The following QTGAL variants were observed in gnomAD, a reference collection of about 807,000 sequenced individuals.
QTGAL encodes the protein queuosine-tRNA galactosyltransferase.
At chr17:82,972,345 C>T in the QTGAL span, among the ~76,000 whole-genome samples, 2 of 139,474 alleles carry the variant, frequency 1.4e-5, no homozygotes, top group Admixed American at 1.4e-4. Flanking sequence ...GTACTGACCA[C>T]ACCACACCAC....
At chr17:83,013,968 A>G in the QTGAL span, among the ~76,000 whole-genome samples, 8 of 152,008 alleles carry the variant, frequency 5.3e-5, no homozygotes, top group Non-Finnish European at 1.2e-4. Flanking sequence ...TGGGGGATGG[A>G]GGAGCCCACG....
At chr17:82,985,607 C>T in the QTGAL span, among the ~76,000 whole-genome samples, 4 of 152,180 alleles carry the variant, frequency 2.6e-5, no homozygotes, top group Non-Finnish European at 5.9e-5. Flanking sequence ...ACTCCTGCTA[C>T]CCAAGAATCA....
At chr17:82,977,203 C>T in the QTGAL span, among the ~76,000 whole-genome samples, 16 of 152,228 alleles carry the variant, frequency 1.1e-4, no homozygotes, top group South Asian at 4.1e-4. Context: ...AACGGAGGCC[C>T]GAAAGCAAGA....
the QTGAL span, chr17:82,956,604 G>C: frequency 7.3e-7 from 1 of 1,366,796 alleles, no homozygotes; most frequent in South Asian, 1.4e-5. The surrounding 1 kb of genome is among the most constrained non-coding windows in gnomAD (Gnocchi z 5.7). Flanking sequence ...CTCATCCCAG[G>C]CCACACAGTC....
the QTGAL span, chr17:82,949,897 G>T: frequency 2.0e-5 from 3 of 152,228 alleles, no homozygotes; most frequent in Admixed American, 2.0e-4. Context: ...CAACACCAGC[G>T]TGGGGATTTG....
the QTGAL span, chr17:82,957,566 C>A: frequency 6.0e-6 from 9 of 1,507,082 alleles, no homozygotes; most frequent in Non-Finnish European, 8.0e-6. Flanking sequence ...CATACAGGGA[C>A]ATGATGTGTG....
At chr17:83,036,313 G>A in the QTGAL span, among the ~76,000 whole-genome samples, 3 of 152,236 alleles carry the variant, frequency 2.0e-5, no homozygotes, top group South Asian at 2.1e-4. Flanking sequence ...GAGGGCAGCC[G>A]AAATTCTTCT....
the QTGAL span, among the ~76,000 whole-genome samples, chr17:82,974,461 G>A: frequency 6.6e-3 from 1,003 of 152,320 alleles, 2 homozygotes; most frequent in Non-Finnish European, 0.01. Flanking sequence ...AGATTCAGGC[G>A]GGGCGGAGTC....
chr17:82,954,783 T>A, the QTGAL span, among the ~76,000 whole-genome samples: 2 of 152,204 alleles, frequency 1.3e-5, no homozygotes, highest in East Asian at 3.9e-4. Context: ...CCAAAACAGA[T>A]ACATAGATCA....
At chr17:82,964,065 C>A in the QTGAL span, among the ~76,000 whole-genome samples, 3 of 149,896 alleles carry the variant, frequency 2.0e-5, no homozygotes, top group African/African-American at 7.4e-5. Context: ...AGTTCGAGAC[C>A]AGCCTGGGCA....
the QTGAL span, among the ~76,000 whole-genome samples, chr17:83,035,524 T>C: frequency 6.6e-6 from 1 of 151,502 alleles, no homozygotes; most frequent in African/African-American, 2.4e-5. Flanking sequence ...ACCAAAAATG[T>C]GGGTCAGCTT....
At chr17:82,962,211 T>C in the QTGAL span, among the ~76,000 whole-genome samples, 3 of 152,084 alleles carry the variant, frequency 2.0e-5, no homozygotes, top group Non-Finnish European at 4.4e-5. Flanking sequence ...CGCTGGCCTG[T>C]TTGCTCCCAG....
At chr17:82,945,342 T>G in the QTGAL span, 1 of 152,246 alleles carries the variant, frequency 6.6e-6, no homozygotes, top group Non-Finnish European at 1.5e-5. Flanking sequence ...ATGATGCAGA[T>G]ATTCCATACT....
the QTGAL span, chr17:83,006,462 A>G: frequency 1.0e-6 from 1 of 984,740 alleles, no homozygotes; most frequent in Non-Finnish European, 1.2e-6. This position sits in a 1 kb window ranked among gnomAD's most constrained non-coding sequence, Gnocchi z 5.8. Context: ...TGTGCCCTTC[A>G]CCACTTCCTC....
chr17:83,027,148 G>A, the QTGAL span, among the ~76,000 whole-genome samples: 9 of 72,336 alleles, frequency 1.2e-4, no homozygotes, highest in East Asian at 1.6e-3. Flanking sequence ...ACAGACACAC[G>A]GAGGGGGGCA....
chr17:82,991,346 A>G, the QTGAL span, among the ~76,000 whole-genome samples: 2 of 152,318 alleles, frequency 1.3e-5, no homozygotes, highest in South Asian at 4.1e-4. Flanking sequence ...TCATGAGGGC[A>G]GTTTCCCCCA....
the QTGAL span, among the ~76,000 whole-genome samples, chr17:83,039,125 C>A: frequency 6.6e-6 from 1 of 150,982 alleles, no homozygotes; most frequent in Non-Finnish European, 1.5e-5. Context: ...ACCGTCCATC[C>A]CAGGGCAGAA....
At chr17:82,969,300 C>T in the QTGAL span, among the ~76,000 whole-genome samples, 1 of 103,556 alleles carries the variant, frequency 9.7e-6, no homozygotes, top group South Asian at 3.8e-4. Context: ...GCTGGGACTA[C>T]AGGTGTGCAC....
At chr17:82,950,529 G>A in the QTGAL span, among the ~76,000 whole-genome samples, 3 of 152,176 alleles carry the variant, frequency 2.0e-5, no homozygotes, top group Non-Finnish European at 4.4e-5. Context: ...GGAGCCTCCC[G>A]TTTACTCACC....
Sources: gnomAD v4.1 joint callset for allele counts (sites outside exome capture counted in the v4.1 genomes callset) on GRCh38, gnomAD v4.1.1 for gene constraint, Gnocchi (gnomAD v3.1) non-coding constraint, MANE v1.5 for transcripts, NCBI Gene and HGNC (gene_info 2026-07-23, HGNC 2026-07-21) for gene names.